Variants in METTL9 observed in about 807,000 individuals in gnomAD.
METTL9 encodes methyltransferase 9, His-X-His N1(pi)-histidine, also known as protein-L-histidine N-pros-methyltransferase.
In METTL9, 10 loss-of-function variants were observed where a neutral mutation model predicts 36.0. The ratio of observed to expected loss-of-function variants is 0.28; its 90% CI spans 0.17 to 0.47. The LOEUF is 0.47. METTL9 is among the 20% of genes least tolerant of loss of function. The pLI is 0.99. For missense variants in METTL9, 246 were observed against 383.5 expected, an observed-to-expected ratio of 0.64 and a Z score of 3.00; for synonymous variants, 175 against 149.7, an observed-to-expected ratio of 1.17 and a Z score of -1.23.
Position 21,655,421 on chromosome 16 carries a change from A to C in METTL9, c.946A>C (p.Lys316Gln). The part of the protein sequence containing the change: ...YVLDDAVFVL[K>Q]PV ...TCTGGATGACGCTGTCTTTGTTCTC[A>C]AACCAGTATAAACACGTGGAGGTCG... Residue 316 changes from lysine (K) to glutamine (Q), a missense_variant, in exon 5 of 5, where the codon AAA becomes CAA. Around this residue, in one of 2 missense-constraint regions of METTL9, gnomAD observed 146 missense variants for 302.1 expected, o/e 0.48. Transcript: ENST00000358154. The C allele has an allele frequency of 6.2e-7, 1 of 1,613,860 alleles. No individual in the cohort carries two copies. The highest frequency in any genetic ancestry group is 8.5e-7 in the Non-Finnish European group (1 of 1,179,774).
Position 21,655,333 on chromosome 16 carries a change from T to C in METTL9, c.858T>C (p.Val286=), listed in dbSNP as rs373066402. ...AAGTTTTCAGAAAAGCTGGTTTTGT[T>C]ATCGAAGCTTTCACCAGACTACCAT... is the stretch of plus-strand genomic sequence containing the variant. ...LPEVFRKAGF[V]IEAFTRLPYL... Residue 286 remains valine, a synonymous_variant, in exon 5 of 5, where the codon GTT becomes GTC. Coordinates refer to ENST00000358154, the MANE Select transcript of METTL9 (RefSeq NM_016025.5). 1.2e-5 allele frequency: 19 copies of C among 1,614,118 alleles called. No individual in the cohort carries two copies. Among genetic ancestry groups the C allele is most frequent in the Non-Finnish European group, 1.6e-5 (19 of 1,180,044 alleles).
chr16:21,633,683 C>T (rs1207512156), intron 4 of METTL9, among the ~76,000 whole-genome samples: 4 of 152,206 alleles, frequency 2.6e-5, no homozygotes, highest in Non-Finnish European at 5.9e-5. Context: ...AGTCTAAGAT[C>T]TTGCACTAGT....
In METTL9 at chr16:21,644,441, A is replaced by C. The variant is rs117679296; in HGVS notation, c.752-10786A>C. 3.2e-3 allele frequency: 4,251 copies of C among 1,308,936 alleles called. 21 individuals are homozygous for C. The highest frequency in any genetic ancestry group is 3.7e-3 in the Non-Finnish European group (3,377 of 906,042). The allele number at this position is 1,308,936 out of a possible 1,614,324, so 81.1% of individuals were successfully genotyped here. On this transcript the variant is annotated intron_variant, in intron 4 of 4. Transcript: ENST00000358154. ...AGAAGCACATTGACTATTAAAGCCT[A>C]TTCTTTCAAATACATGTGTAAAGTA...
chr16:21,626,612 G>A (rs958924973), intron 4 of METTL9: 5 of 152,122 alleles, frequency 3.3e-5, no homozygotes, highest in African/African-American at 9.7e-5. Context: ...TCCTGTTGTC[G>A]AGTGGTTTGT....
chr16:21,648,877 T>C (rs1966495370), intron 4 of METTL9, among the ~76,000 whole-genome samples: 1 of 152,214 alleles, frequency 6.6e-6, no homozygotes, highest in Non-Finnish European at 1.5e-5. Flanking sequence ...AGACAGGGGC[T>C]TTTTTCTCTT....
chr16:21,653,025 T>C (rs150954912), intron 4 of METTL9: 1 of 162,850 alleles, frequency 6.1e-6, no homozygotes, highest in African/African-American at 2.4e-5. Flanking sequence ...TGGCTTTGTG[T>C]AGAGATGAGA....
intron 1 of METTL9, among the ~76,000 whole-genome samples, chr16:21,602,677 A>AT (rs1412259792): frequency 7.3e-6 from 1 of 136,478 alleles, no homozygotes; most frequent in African/African-American, 2.8e-5. Flanking sequence ...TTTTTTTTTG[A>AT]GATGGAGTCT....
intron 4 of METTL9, among the ~76,000 whole-genome samples, chr16:21,629,437 A>G (rs1336001462): frequency 1.3e-5 from 2 of 152,192 alleles, no homozygotes; most frequent in African/African-American, 4.8e-5. Context: ...GGTCCTCACC[A>G]GAACTCATAA....
intron 4 of METTL9, among the ~76,000 whole-genome samples, chr16:21,649,441 C>G (rs1966512949): frequency 6.6e-6 from 1 of 152,102 alleles, no homozygotes; most frequent in Non-Finnish European, 1.5e-5. Context: ...CTGTGGGAGG[C>G]CCAGCTCAGC....
chr16:21,645,050 G>A (rs189731665), intron 4 of METTL9, among the ~76,000 whole-genome samples: 1 of 152,276 alleles, frequency 6.6e-6, no homozygotes, highest in East Asian at 1.9e-4. Context: ...TGTGCTCTGG[G>A]TAGGGATTAA....
In METTL9 at chr16:21,624,976, TGTCATCAG is replaced by T; in HGVS notation, c.613_620del (p.Val205LeufsTer9). 1 of 1,614,184 alleles carries T rather than the reference TGTCATCAG, an allele frequency of 6.2e-7. No homozygotes were observed. The highest frequency in any genetic ancestry group is 8.5e-7 in the Non-Finnish European group (1 of 1,180,028). On this transcript the variant is annotated frameshift_variant, in exon 4 of 5. Coordinates refer to ENST00000358154, the MANE Select transcript of METTL9 (RefSeq NM_016025.5). LOFTEE classifies it high-confidence loss of function. ...GGCAGAATACGGGGTTCCAGTATGA[TGTCATCAG>T]CTGCCTGAACTTGCTGGACCGCTGT...
intron 4 of METTL9, among the ~76,000 whole-genome samples, chr16:21,635,570 C>A (rs1268867004): frequency 6.6e-6 from 1 of 152,244 alleles, no homozygotes; most frequent in East Asian, 1.9e-4. Flanking sequence ...GGTCAAGCTG[C>A]AGGATAGTAT....
At chr16:21,650,661 C>T (rs1966549285) in intron 4 of METTL9, among the ~76,000 whole-genome samples, 2 of 152,072 alleles carry the variant, frequency 1.3e-5, no homozygotes, top group Non-Finnish European at 2.9e-5. Flanking sequence ...CCCAATTAGG[C>T]TATGTGTGGG....
chr16:21,613,903 C>T (rs1965494492), intron 2 of METTL9, among the ~76,000 whole-genome samples: 1 of 150,972 alleles, frequency 6.6e-6, no homozygotes, highest in South Asian at 2.1e-4. Flanking sequence ...ATCTAAAATG[C>T]CAAAGAGAAA....
chr16:21,599,802 G>A lies in METTL9; in HGVS notation c.69G>A (p.Thr23=). The change falls in exon 1 of 5, where the codon ACG becomes ACA. Residue 23 remains threonine (T), a synonymous_variant. Coordinates refer to ENST00000358154, the MANE Select transcript of METTL9 (RefSeq NM_016025.5). The surrounding 1 kb of genome is among the most constrained non-coding windows in gnomAD (Gnocchi z 4.4). ...ASVWLARRMW[T]LRSPLTRSLY... The stretch of plus-strand genomic sequence containing the variant: ...TGTGGCTGGCGCGGAGGATGTGGAC[G>A]CTGCGGAGCCCGCTCACCCGCTCCC... 1.3e-6 allele frequency: 2 copies of A among 1,549,342 alleles called. No homozygotes were observed. The highest frequency in any genetic ancestry group is 8.7e-7 in the Non-Finnish European group (1 of 1,154,544).
At chr16:21,644,338 G>A (rs765106884) in intron 4 of METTL9, 2 of 1,614,040 alleles carry the variant, frequency 1.2e-6, no homozygotes, top group Admixed American at 1.7e-5. Context: ...CATAGACAGA[G>A]AGCAGTGATA....
At chr16:21,653,759 ACTCTGGGTCACTGGCT>A (rs1427975795) in intron 4 of METTL9, 1 of 151,952 alleles carries the variant, frequency 6.6e-6, no homozygotes, top group Non-Finnish European at 1.5e-5. Flanking sequence ...CATCCCCACT[ACTCTGGGTCACTGGCT>A]CTCCATTCCA....
chr16:21,604,206 C>CTG (rs1211050147), intron 1 of METTL9, among the ~76,000 whole-genome samples: 1 of 152,186 alleles, frequency 6.6e-6, no homozygotes, highest in Non-Finnish European at 1.5e-5. Flanking sequence ...ACCAAAGAGA[C>CTG]TTCAGAAAGG....
At chr16:21,624,059 G>A (rs543617936) in intron 3 of METTL9, among the ~76,000 whole-genome samples, 4 of 152,194 alleles carry the variant, frequency 2.6e-5, no homozygotes, top group East Asian at 3.9e-4. Context: ...GTGAGCCACC[G>A]TGCCCGGTCC....
Sources: gnomAD v4.1 joint callset for allele counts (sites outside exome capture counted in the v4.1 genomes callset) on GRCh38, gnomAD v4.1.1 for gene constraint, gnomAD v4.1.1 regional missense constraint, Gnocchi (gnomAD v3.1) non-coding constraint, MANE v1.5 for transcripts, NCBI Gene and HGNC (gene_info 2026-07-23, HGNC 2026-07-21) for gene names.